The following KDM1B variants were observed in gnomAD, a reference collection of about 807,000 sequenced individuals.
KDM1B encodes lysine demethylase 1B.
KDM1B carries 63 observed loss-of-function variants against 107.4 expected under a neutral mutation model. The observed-to-expected ratio is 0.59, with a 90% CI of 0.48 to 0.72. KDM1B has a LOEUF of 0.72. KDM1B is among the 30% of genes least tolerant of loss of function. The pLI, the probability that KDM1B is intolerant of heterozygous loss-of-function variation, is 0.00. For synonymous variants in KDM1B, 363 were observed against 363.9 expected, an observed-to-expected ratio of 1.00 and a Z score of 0.03; for missense variants, 749 against 1,020.8, an observed-to-expected ratio of 0.73 and a Z score of 3.63.
At chr6:18,208,046 T>A in intron 16 of KDM1B, 86 bp from the exon 17 acceptor site, 2 of 967,548 alleles carry the variant, frequency 2.1e-6, no homozygotes, top group South Asian at 2.6e-5. Context: ...CTTGGAGATG[T>A]AAATTCATGT....
chr6:18,194,459 A>G (rs934563050), intron 10 of KDM1B, among the ~76,000 whole-genome samples: 1 of 152,174 alleles, frequency 6.6e-6, no homozygotes, highest in African/African-American at 2.4e-5. Flanking sequence ...CACCTGCTGC[A>G]GTCGTTCTTG....
chr6:18,205,417 T>G lies in KDM1B; in HGVS notation c.1532-120T>G. The G allele has an allele frequency of 1.2e-6, 1 of 856,452 alleles. No individual in the cohort carries two copies. Among genetic ancestry groups the G allele is most frequent in the Non-Finnish European group, 1.7e-6 (1 of 583,450 alleles). 53.1% of individuals were successfully genotyped at this position (856,452 alleles called of 1,614,324 possible). On this transcript the variant is annotated intron_variant, in intron 14 of 21. Transcript: ENST00000650836. The surrounding 1 kb of genome is among the most constrained non-coding windows in gnomAD (Gnocchi z 5.7). ...AGATCTTTTCCCCTCTGACTTTACT[T>G]GGGAAAAGACTTTGGAAGTTTTGGG...
rs927848878 is a variant in KDM1B, at chr6:18,191,326, C to T, written c.914C>T (p.Thr305Ile). The T allele has an allele frequency of 4.4e-5, 69 of 1,550,942 alleles. No homozygotes were observed. The highest frequency in any genetic ancestry group is 5.5e-5 in the Non-Finnish European group (63 of 1,147,110). Reference sequence around the variant, plus strand: ...TTTCCAGAGTATTCCCGAGACCCCACCATGTACCTGGCTTTGAGAAACCTC... The same window carrying T: ...TTTCCAGAGTATTCCCGAGACCCCATCATGTACCTGGCTTTGAGAAACCTC... ...YEFPEYSRDP[T>I]MYLALRNLIL... Residue 305 changes from threonine to isoleucine, a missense_variant, in exon 10 of 22, where the codon ACC (threonine) becomes ATC (isoleucine). Physicochemically the swap from Thr to Ile is moderately conservative, Grantham distance 89. Coordinates refer to ENST00000650836, the MANE Select transcript of KDM1B (RefSeq NM_001364614.2). The surrounding 1 kb of genome is among the most constrained non-coding windows in gnomAD (Gnocchi z 5.1).
chr6:18,220,765 C>A (rs1047492505), intron 21 of KDM1B, among the ~76,000 whole-genome samples: 57 of 151,402 alleles, frequency 3.8e-4, no homozygotes, highest in Non-Finnish European at 8.0e-4. Context: ...CGATTATTAC[C>A]TCACCTTTTC....
rs369714077 is a variant in KDM1B, at chr6:18,179,836, A to ACTAGATATTTTTTCTTTTTTTTTT, written c.535-5936_535-5935insCTAGATATTTTTTCTTTTTTTTTT. Among the ~76,000 whole-genome samples, 8 of 83,518 alleles carry ACTAGATATTTTTTCTTTTTTTTTT rather than the reference A, an allele frequency of 9.6e-5. 4 individuals carry two copies. The highest frequency in any genetic ancestry group is 9.9e-5 in the African/African-American group (2 of 20,304). The allele number at this position is 83,518 out of a possible 152,430, so 54.8% of individuals were successfully genotyped here. A position where few individuals can be genotyped will look rare whatever the true frequency, so the allele number is the denominator to read the frequency against. On this transcript the variant is annotated intron_variant, in intron 7 of 21. Transcript: ENST00000650836. ...CTATTCCAAAATCTTTCAATTTAGC[A>ACTAGATATTTTTTCTTTTTTTTTT]TTGGTTTTTTTTCCTTTTTTTTTTT...
At chr6:18,185,867 T>C (rs1733542005) in intron 8 of KDM1B, 57 bp downstream of exon 8, 1 of 1,503,014 alleles carries the variant, frequency 6.7e-7, no homozygotes, top group African/African-American at 1.4e-5. Flanking sequence ...TGATAAGTGT[T>C]ACAAGGAAAT....
In KDM1B at chr6:18,187,940, C is replaced by T; in HGVS notation, c.722C>T (p.Ala241Val). Residue 241 changes from alanine to valine, a missense_variant, in exon 9 of 22, where the codon GCT (alanine) becomes GTT (valine). Transcript: ENST00000650836. Reference protein sequence around the residue: ...SPSCTSTNRAAATGNASPGKL... With the variant: ...SPSCTSTNRAVATGNASPGKL... ...TCCTGCACCAGCACAAACCGCGCCG[C>T]TGCCACTGGCAATGCCAGCCCTGGG... 1 of 1,550,572 alleles carries T rather than the reference C, an allele frequency of 6.4e-7. No individual in the cohort carries two copies. Among genetic ancestry groups the T allele is most frequent in the Non-Finnish European group, 8.7e-7 (1 of 1,147,012 alleles).
At chr6:18,208,811 A>AG (rs529452767) in intron 17 of KDM1B, among the ~76,000 whole-genome samples, 112 of 131,182 alleles carry the variant, frequency 8.5e-4, no homozygotes, top group African/African-American at 3.0e-3. Context: ...CGCCTGGCTA[A>AG]TTTTTTTTTT....
At position 18,204,626 on chromosome 6, in the gene KDM1B, C is replaced by T. The variant is rs1788253563; in HGVS notation, c.1532-911C>T. On this transcript the variant is annotated intron_variant, in intron 14 of 21. Coordinates refer to ENST00000650836, the MANE Select transcript of KDM1B (RefSeq NM_001364614.2). This position sits in a 1 kb window ranked among gnomAD's most constrained non-coding sequence, Gnocchi z 4.9. ...TCAGACATCAAGCCAGAACCCTCTT[C>T]CAGCCCTGCTATAAAGGAATGTAAG... Among the ~76,000 whole-genome samples, 1 of 152,212 alleles carries T rather than the reference C, an allele frequency of 6.6e-6. No individual in the cohort carries two copies. The highest frequency in any genetic ancestry group is 1.5e-5 in the Non-Finnish European group (1 of 68,042).
rs1785722041 is a variant in KDM1B, at chr6:18,172,466, C to A, written c.534+987C>A. Among the ~76,000 whole-genome samples the A allele has an allele frequency of 6.6e-6, 1 of 152,132 alleles. No individual in the cohort carries two copies. Among genetic ancestry groups the A allele is most frequent in the Non-Finnish European group, 1.5e-5 (1 of 68,028 alleles). On this transcript the variant is annotated intron_variant, in intron 7 of 21. Coordinates refer to ENST00000650836, the MANE Select transcript of KDM1B (RefSeq NM_001364614.2). This position sits in a 1 kb window ranked among gnomAD's most constrained non-coding sequence, Gnocchi z 5.2. Reference sequence around the variant, plus strand: ...CTGAAAATCTGAAATGTTCCAAAATCTGAAACTTTTTGAGCTCTGAGATGA... The same window carrying A: ...CTGAAAATCTGAAATGTTCCAAAATATGAAACTTTTTGAGCTCTGAGATGA...
intron 7 of KDM1B, among the ~76,000 whole-genome samples, chr6:18,185,397 G>A (rs867582368): frequency 6.6e-6 from 1 of 151,916 alleles, no homozygotes; most frequent in African/African-American, 2.4e-5. Flanking sequence ...CACTTTCCGG[G>A]TCCCAGTGAT....
At chr6:18,171,528 G>C (rs932098909) in intron 7 of KDM1B, 49 bp downstream of exon 7, 4 of 943,054 alleles carry the variant, frequency 4.2e-6, no homozygotes, top group Non-Finnish European at 5.3e-6. Flanking sequence ...AATGTAGTCA[G>C]TAAATAGTAA....
chr6:18,223,066 A>G lies in KDM1B; in HGVS notation c.*1074A>G, dbSNP rs942273765. ...ACTCATGACAGAAAACAGTTTAATA[A>G]TATCTCATTCTAAAATAAAACACTG... On this transcript the variant is annotated 3_prime_UTR_variant, in exon 22 of 22. Coordinates refer to ENST00000650836, the MANE Select transcript of KDM1B (RefSeq NM_001364614.2). 6.6e-6 allele frequency: 1 copy of G among 152,550 alleles called. No homozygotes were observed. Among genetic ancestry groups the G allele is most frequent in the Non-Finnish European group, 1.5e-5 (1 of 68,010 alleles). The allele number at this position is 152,550 out of a possible 1,614,324, so 9.4% of individuals were successfully genotyped here. A position where few individuals can be genotyped will look rare whatever the true frequency, so the allele number is the denominator to read the frequency against.
rs1329838955 is a variant in KDM1B, at chr6:18,203,225, T to G, written c.1531+1568T>G. 2.6e-5 allele frequency among the ~76,000 whole-genome samples: 4 copies of G among 152,162 alleles called. No individual in the cohort carries two copies. The highest frequency in any genetic ancestry group is 4.4e-5 in the Non-Finnish European group (3 of 68,032). On this transcript the variant is annotated intron_variant, in intron 14 of 21. Transcript: ENST00000650836. This position sits in a 1 kb window ranked among gnomAD's most constrained non-coding sequence, Gnocchi z 5.5. ...CCAGGAGTTAGAGACTGTGGTGAGC[T>G]GTGATCTCGCCACTGCACCTCAGCT...
Position 18,200,028 on chromosome 6 carries a change from G to A in KDM1B, c.1222-411G>A, listed in dbSNP as rs1447450903. Among the ~76,000 whole-genome samples, 1 of 152,114 alleles carries A rather than the reference G, an allele frequency of 6.6e-6. No individual in the cohort carries two copies. Among genetic ancestry groups the A allele is most frequent in the African/African-American group, 2.4e-5 (1 of 41,436 alleles). The stretch of plus-strand genomic sequence containing the variant: ...TGAATAGCTGGGATTACAGGTGCAT[G>A]CCACCACACCCGACTATGTATTTCT... On this transcript the variant is annotated intron_variant, in intron 12 of 21. Transcript: ENST00000650836. This position sits in a 1 kb window ranked among gnomAD's most constrained non-coding sequence, Gnocchi z 4.3.
Position 18,201,743 on chromosome 6 carries a change from G to C in KDM1B, c.1531+86G>C, listed in dbSNP as rs887629281. On this transcript the variant is annotated intron_variant, in intron 14 of 21. Transcript: ENST00000650836. The surrounding 1 kb of genome is among the most constrained non-coding windows in gnomAD (Gnocchi z 4.3). ...CAGCAGTGGCATTGTTCATTTGCGA[G>C]GTCGGATGTCGGCAACAGGGTAGCC... 112 of 1,179,300 alleles carry C rather than the reference G, an allele frequency of 9.5e-5. No homozygotes were observed. The highest frequency in any genetic ancestry group is 1.3e-4 in the Non-Finnish European group (107 of 847,054). The allele number at this position is 1,179,300 out of a possible 1,614,324, so 73.1% of individuals were successfully genotyped here. A position where few individuals can be genotyped will look rare whatever the true frequency, so the allele number is the denominator to read the frequency against.
intron 21 of KDM1B, among the ~76,000 whole-genome samples, chr6:18,219,875 T>A (rs114005884): frequency 6.6e-6 from 1 of 152,254 alleles, no homozygotes; most frequent in Non-Finnish European, 1.5e-5. Flanking sequence ...TTGTTAGTTA[T>A]GAAGGCTTCA....
chr6:18,198,341 GT>G (rs1467390276), intron 12 of KDM1B, among the ~76,000 whole-genome samples: 2 of 149,386 alleles, frequency 1.3e-5, no homozygotes, highest in African/African-American at 5.0e-5. Context: ...TCAGTTCTAA[GT>G]TTTTTTTTTA....
chr6:18,180,867 C>T (rs755921930), intron 7 of KDM1B, among the ~76,000 whole-genome samples: 7 of 152,160 alleles, frequency 4.6e-5, no homozygotes, highest in Admixed American at 2.6e-4. Flanking sequence ...CTCCCGGCCA[C>T]TCTAGCTGTG....
Sources: allele counts gnomAD v4.1 joint callset (sites outside exome capture counted in the v4.1 genomes callset), GRCh38; gene constraint gnomAD v4.1.1; non-coding constraint Gnocchi (gnomAD v3.1); transcripts MANE v1.5; gene names NCBI Gene and HGNC (gene_info 2026-07-23, HGNC 2026-07-21).